Variants in DOCK10 observed in about 807,000 individuals in gnomAD.
DOCK10 encodes the protein dedicator of cytokinesis 10, also known as dedicator of cytokinesis protein 10.
In DOCK10, 145 loss-of-function variants were observed where a neutral mutation model predicts 280.1. That is an observed-to-expected ratio of 0.52 (90% CI 0.45 to 0.59). The LOEUF (loss-of-function observed/expected upper bound fraction) is 0.59, where lower values mean the gene tolerates loss of function less well. DOCK10 is among the 20% of genes least tolerant of loss of function. The pLI is 0.00. For synonymous variants in DOCK10, 915 were observed against 942.2 expected (o/e 0.97, Z 0.53); for missense variants, 2,368 against 2,651.7 (o/e 0.89, Z 2.35).
At chr2:225,032,518 A>ATT (rs141599312) in intron 1 of DOCK10, among the ~76,000 whole-genome samples, 1 of 152,096 alleles carries the variant, frequency 6.6e-6, no homozygotes, top group Non-Finnish European at 1.5e-5. Context: ...CTTAAAATAC[A>ATT]TTTTTTTCAC....
intron 49 of DOCK10, 29 bp downstream of exon 49, chr2:224,787,246 A>G: frequency 1.2e-6 from 2 of 1,613,396 alleles, no homozygotes; most frequent in Non-Finnish European, 1.7e-6. Context: ...GGATATTTTA[A>G]TTAACTTCTA....
At chr2:225,022,535 C>T (rs1478539880) in intron 1 of DOCK10, among the ~76,000 whole-genome samples, 1 of 152,192 alleles carries the variant, frequency 6.6e-6, no homozygotes, top group East Asian at 1.9e-4. Flanking sequence ...CATTTTCACA[C>T]ACATGTAGAA....
At chr2:224,797,997 G>C in intron 41 of DOCK10, 28 bp from the exon 42 acceptor site, 2 of 1,603,030 alleles carry the variant, frequency 1.2e-6, no homozygotes, top group Non-Finnish European at 8.5e-7. Flanking sequence ...ATGTTATTCA[G>C]GATAAGTGAA....
chr2:224,869,749 T>G (rs970443773), intron 11 of DOCK10, among the ~76,000 whole-genome samples: 2 of 152,234 alleles, frequency 1.3e-5, no homozygotes, highest in Non-Finnish European at 2.9e-5. Flanking sequence ...GGCTGTGTTC[T>G]CTTGCCTGGG....
chr2:224,949,649 G>A (rs1192332102), intron 1 of DOCK10, among the ~76,000 whole-genome samples: 1 of 152,166 alleles, frequency 6.6e-6, no homozygotes, highest in Non-Finnish European at 1.5e-5. Flanking sequence ...AGGCATCAAG[G>A]TAGAATGGTT....
At chr2:224,943,930 AT>A (rs547195603) in intron 1 of DOCK10, among the ~76,000 whole-genome samples, 1 of 151,842 alleles carries the variant, frequency 6.6e-6, no homozygotes, top group Non-Finnish European at 1.5e-5. Context: ...CGGCCGGCTA[AT>A]TTTTTGTATT....
At chr2:224,840,873 G>A (rs1048771445) in intron 23 of DOCK10, among the ~76,000 whole-genome samples, 8 of 152,080 alleles carry the variant, frequency 5.3e-5, no homozygotes, top group South Asian at 2.1e-4. Flanking sequence ...TCCATCAACC[G>A]ATGAAATGGG....
intron 27 of DOCK10, among the ~76,000 whole-genome samples, chr2:224,827,387 C>A (rs1255227214): frequency 6.6e-6 from 1 of 151,976 alleles, no homozygotes; most frequent in Non-Finnish European, 1.5e-5. Flanking sequence ...AGGGTTACCA[C>A]TGAAAGGGGT....
intron 1 of DOCK10, among the ~76,000 whole-genome samples, chr2:225,035,869 ATC>A (rs202007337): frequency 2.7e-5 from 4 of 150,116 alleles, no homozygotes; most frequent in African/African-American, 4.9e-5. Context: ...AGAGAGGGTG[ATC>A]TCTCTCTCTC....
chr2:224,842,467 C>A (rs1696029793), intron 22 of DOCK10, among the ~76,000 whole-genome samples: 1 of 151,748 alleles, frequency 6.6e-6, no homozygotes, highest in African/African-American at 2.4e-5. Context: ...GCTACACAGT[C>A]AGGCAGTGAG....
chr2:224,868,972 A>G (rs1198759282), intron 11 of DOCK10, among the ~76,000 whole-genome samples: 1 of 152,180 alleles, frequency 6.6e-6, no homozygotes, highest in African/African-American at 2.4e-5. Context: ...CTACTTTGAT[A>G]ACCCATCAAA....
intron 7 of DOCK10, among the ~76,000 whole-genome samples, chr2:224,883,265 C>A (rs1699079575): frequency 6.6e-6 from 1 of 152,158 alleles, no homozygotes; most frequent in African/African-American, 2.4e-5. Context: ...AGCGATGCCC[C>A]TCTCTGATTC....
Position 224,794,956 on chromosome 2 carries a change from C to G in DOCK10, c.5077G>C (p.Ala1693Pro). 6.2e-7 allele frequency: 1 copy of G among 1,613,882 alleles called. No homozygotes were observed. Among genetic ancestry groups the G allele is most frequent in the Non-Finnish European group, 8.5e-7 (1 of 1,179,840 alleles). Residue 1693 changes from alanine (A) to proline (P), a missense_variant, in exon 45 of 56, where the codon GCA (alanine) becomes CCA (proline). Physicochemically the swap from Ala to Pro is conservative, Grantham distance 27. Transcript: ENST00000258390. ...DLQYSLANSYASTPELRRTWL... is the reference protein window; with the variant it reads ...DLQYSLANSYPSTPELRRTWL... ...GTCCTGCGTAGTTCAGGAGTGCTTG[C>G]GTAGGAGTTTGCCAGGCTGTACTGG...
At chr2:224,774,256 T>A (rs1690666110) in intron 52 of DOCK10, among the ~76,000 whole-genome samples, 1 of 152,142 alleles carries the variant, frequency 6.6e-6, no homozygotes, top group African/African-American at 2.4e-5. Context: ...CCCCACTGGG[T>A]GCTCTTGTTT....
intron 27 of DOCK10, among the ~76,000 whole-genome samples, chr2:224,825,629 C>T (rs141003508): frequency 1.3e-3 from 201 of 152,322 alleles, no homozygotes; most frequent in African/African-American, 4.3e-3. Context: ...CTTTAATATT[C>T]CATTTGTTCC....
In DOCK10 at chr2:224,849,482, G is replaced by C. The variant is rs1216175413; in HGVS notation, c.2235+25C>G. 3.9e-6 allele frequency: 6 copies of C among 1,548,302 alleles called. No homozygotes were observed. The South Asian group carries it at 4.6e-5, about 12-fold the overall frequency. On this transcript the variant is annotated intron_variant, in intron 19 of 55. Transcript: ENST00000258390. ...TACCCACCTTTCTTAGGAACCGCTG[G>C]GGGCAGTGGAGGGCTAGCTCTTACC...
At chr2:224,816,739 T>C (rs1268419693) in intron 29 of DOCK10, 26 bp from the exon 30 acceptor site, 1 of 1,280,046 alleles carries the variant, frequency 7.8e-7, no homozygotes. Context: ...ACTAAATGAC[T>C]ATGACTTACA....
At chr2:224,882,141 A>C (rs1013113385) in intron 7 of DOCK10, among the ~76,000 whole-genome samples, 1 of 152,340 alleles carries the variant, frequency 6.6e-6, no homozygotes. Context: ...AACAGATGAG[A>C]TTCTTGGGCT....
chr2:224,940,871 G>T (rs1331978606), intron 1 of DOCK10, among the ~76,000 whole-genome samples: 1 of 152,096 alleles, frequency 6.6e-6, no homozygotes, highest in Non-Finnish European at 1.5e-5. Flanking sequence ...AATGATTTAG[G>T]TATGTCTCAT....
Sources: gnomAD v4.1 joint callset for allele counts (sites outside exome capture counted in the v4.1 genomes callset) on GRCh38, gnomAD v4.1.1 for gene constraint, MANE v1.5 for transcripts, NCBI Gene and HGNC (gene_info 2026-07-23, HGNC 2026-07-21) for gene names.